Variants in CDK6 observed in about 807,000 individuals in gnomAD.
The protein encoded by CDK6 is cyclin-dependent kinase 6.
A neutral mutation model predicts 37.1 loss-of-function variants in CDK6; 6 were observed. The observed-to-expected ratio is 0.16, with a 90% CI of 0.09 to 0.32. The LOEUF (loss-of-function observed/expected upper bound fraction) is 0.32, where lower values mean the gene tolerates loss of function less well. CDK6 is among the 10% of genes least tolerant of loss of function. The pLI, the probability that CDK6 is intolerant of heterozygous loss-of-function variation, is 1.00. For missense variants in CDK6, 224 were observed against 418.9 expected, an observed-to-expected ratio of 0.53 and a Z score of 4.06; for synonymous variants, 160 against 161.3, an observed-to-expected ratio of 0.99 and a Z score of 0.06.
intron 4 of CDK6, among the ~76,000 whole-genome samples, chr7:92,723,669 T>A (rs1030106710): frequency 4.6e-5 from 7 of 152,160 alleles, no homozygotes; most frequent in African/African-American, 1.7e-4. Context: ...CGTCACTCTT[T>A]CCAATAAAGT....
At chr7:92,804,212 A>G (rs1478797608) in intron 2 of CDK6, among the ~76,000 whole-genome samples, 1 of 152,180 alleles carries the variant, frequency 6.6e-6, no homozygotes, top group African/African-American at 2.4e-5. Flanking sequence ...ACTTGAGGGT[A>G]TGCATCCCCT....
At chr7:92,813,401 A>G (rs1042706778) in intron 2 of CDK6, among the ~76,000 whole-genome samples, 2 of 152,200 alleles carry the variant, frequency 1.3e-5, no homozygotes, top group African/African-American at 4.8e-5. Context: ...CTGGTCCCCC[A>G]CATATCTAAG....
At chr7:92,706,185 C>A (rs1797961636) in intron 4 of CDK6, among the ~76,000 whole-genome samples, 1 of 152,192 alleles carries the variant, frequency 6.6e-6, no homozygotes, top group Non-Finnish European at 1.5e-5. Context: ...ACCACCTATT[C>A]CCAAGAGGAA....
At position 92,652,341 on chromosome 7, in the gene CDK6, G is replaced by A. The variant is rs545199676; in HGVS notation, c.647+19085C>T. ...CTGTAATTTAGCTACTCCATTTTAC[G>A]TCTTTATAATTCTTTCTTATCTCAT... is the stretch of plus-strand genomic sequence containing the variant. On this transcript the variant is annotated intron_variant, in intron 5 of 7. Transcript: ENST00000424848. Among the ~76,000 whole-genome samples the A allele has an allele frequency of 1.4e-4, 22 of 152,192 alleles. No individual in the cohort carries two copies. The South Asian group carries it at 3.3e-3, about 23-fold the overall frequency.
chr7:92,611,093 T>G lies in CDK6; in HGVS notation c.*4047A>C, dbSNP rs1795553106. 4.4e-6 allele frequency: 1 copy of G among 226,762 alleles called. No homozygotes were observed. The highest frequency in any genetic ancestry group is 1.8e-4 in the South Asian group (1 of 5,482). The allele number at this position is 226,762 out of a possible 1,614,324, so 14.0% of individuals were successfully genotyped here. On this transcript the variant is annotated 3_prime_UTR_variant, in exon 8 of 8. Transcript: ENST00000424848. ...TAAAGAATATATCCTTCAAAATATA[T>G]ATAGCTTTGAAACTACCCTTTAAAT...
intron 2 of CDK6, among the ~76,000 whole-genome samples, chr7:92,804,209 G>T (rs1424862192): frequency 1.2e-4 from 18 of 152,050 alleles, no homozygotes; most frequent in Admixed American, 1.2e-3. Flanking sequence ...TTCACTTGAG[G>T]GTATGCATCC....
intron 4 of CDK6, among the ~76,000 whole-genome samples, chr7:92,681,311 C>G (rs1360543216): frequency 6.6e-6 from 1 of 152,068 alleles, no homozygotes; most frequent in Non-Finnish European, 1.5e-5. Context: ...GGGAAGAGAG[C>G]CACTCAGTAA....
At chr7:92,748,952 A>G (rs1799123816) in intron 3 of CDK6, among the ~76,000 whole-genome samples, 1 of 152,140 alleles carries the variant, frequency 6.6e-6, no homozygotes, top group Non-Finnish European at 1.5e-5. Context: ...CTGTAATCCC[A>G]GCATGTGGGA....
intron 4 of CDK6, among the ~76,000 whole-genome samples, chr7:92,698,296 GC>G (rs1797766125): frequency 6.6e-6 from 1 of 152,134 alleles, no homozygotes; most frequent in South Asian, 2.1e-4. Flanking sequence ...TACAAATGAA[GC>G]CAAAATATGC....
At chr7:92,830,500 C>A (rs1369581362) in intron 2 of CDK6, among the ~76,000 whole-genome samples, 2 of 152,192 alleles carry the variant, frequency 1.3e-5, no homozygotes, top group Non-Finnish European at 2.9e-5. Flanking sequence ...GACTGTAAAA[C>A]TAATCCCAGG....
In CDK6 at chr7:92,614,446, C is replaced by T; in HGVS notation, c.*694G>A. 8.6e-6 allele frequency: 2 copies of T among 233,120 alleles called. No homozygotes were observed. Among genetic ancestry groups the T allele is most frequent in the Non-Finnish European group, 1.7e-5 (2 of 117,996 alleles). The allele number at this position is 233,120 out of a possible 1,614,324, so 14.4% of individuals were successfully genotyped here. A position where few individuals can be genotyped will look rare whatever the true frequency, so the allele number is the denominator to read the frequency against. ...ATGCATGCACATCTCTTAAAATATACTAGAATTTTTTCTCCTTTTTGCTGT... is the reference window on the plus strand; with the variant it reads ...ATGCATGCACATCTCTTAAAATATATTAGAATTTTTTCTCCTTTTTGCTGT... On this transcript the variant is annotated 3_prime_UTR_variant, in exon 8 of 8. Coordinates refer to ENST00000424848, the MANE Select transcript of CDK6 (RefSeq NM_001145306.2).
intron 3 of CDK6, among the ~76,000 whole-genome samples, chr7:92,751,495 C>T (rs2115680226): frequency 6.6e-6 from 1 of 152,026 alleles, no homozygotes; most frequent in East Asian, 1.9e-4. Context: ...TCAATGATAA[C>T]AATACAGCAA....
intron 4 of CDK6, among the ~76,000 whole-genome samples, chr7:92,714,506 T>A (rs1478524969): frequency 6.6e-6 from 1 of 152,062 alleles, no homozygotes; most frequent in African/African-American, 2.4e-5. Flanking sequence ...CACTGGGAAT[T>A]TTTACTCCTT....
chr7:92,726,539 T>C (rs1004967997), intron 3 of CDK6, among the ~76,000 whole-genome samples: 1 of 151,912 alleles, frequency 6.6e-6, no homozygotes, highest in Non-Finnish European at 1.5e-5. Flanking sequence ...GCCTCCCAAG[T>C]AGCTGGGACC....
intron 5 of CDK6, among the ~76,000 whole-genome samples, chr7:92,642,541 T>C (rs1297724983): frequency 6.6e-6 from 1 of 152,200 alleles, no homozygotes; most frequent in East Asian, 1.9e-4. Flanking sequence ...AGCCATCCTT[T>C]ATCCTGTTCT....
chr7:92,607,483 A>C lies in CDK6; in HGVS notation c.*7657T>G. 4.3e-6 allele frequency: 1 copy of C among 233,020 alleles called. No individual in the cohort carries two copies. Among genetic ancestry groups the C allele is most frequent in the Non-Finnish European group, 8.5e-6 (1 of 117,936 alleles). 14.4% of individuals were successfully genotyped at this position (233,020 alleles called of 1,614,324 possible). On this transcript the variant is annotated 3_prime_UTR_variant, in exon 8 of 8. Coordinates refer to ENST00000424848, the MANE Select transcript of CDK6 (RefSeq NM_001145306.2). ...ATGATAAAACACCTAGATACCCAAA[A>C]TACTACATCTATATATTCAAATCTA...
chr7:92,835,622 GCT>G lies in CDK6; in HGVS notation c.-368+854_-368+855del, dbSNP rs995907719. On this transcript the variant is annotated intron_variant, in intron 1 of 7. Transcript: ENST00000424848. The surrounding 1 kb of genome is among the most constrained non-coding windows in gnomAD (Gnocchi z 4.2). ...CCGCCTCCTTCTGCTTTCTGTCTCT[GCT>G]CTCTGTCTTCACACTCAATGAAATC... is the stretch of plus-strand genomic sequence containing the variant. Among the ~76,000 whole-genome samples, 3 of 152,154 alleles carry G rather than the reference GCT, an allele frequency of 2.0e-5. No individual in the cohort carries two copies. The highest frequency in any genetic ancestry group is 6.5e-5 in the Admixed American group (1 of 15,284).
chr7:92,629,138 G>C (rs970349884), intron 5 of CDK6, among the ~76,000 whole-genome samples: 4 of 152,010 alleles, frequency 2.6e-5, no homozygotes, highest in Admixed American at 1.3e-4. Context: ...AGAAGAATCT[G>C]AGACGAAGTT....
intron 3 of CDK6, among the ~76,000 whole-genome samples, chr7:92,731,769 A>AT (rs1798656697): frequency 6.6e-6 from 1 of 152,176 alleles, no homozygotes; most frequent in Non-Finnish European, 1.5e-5. Context: ...AAAAAAGATA[A>AT]TAAGTCATTT....
Sources: allele counts gnomAD v4.1 joint callset (sites outside exome capture counted in the v4.1 genomes callset), GRCh38; gene constraint gnomAD v4.1.1; non-coding constraint Gnocchi (gnomAD v3.1); transcripts MANE v1.5; gene names NCBI Gene and HGNC (gene_info 2026-07-23, HGNC 2026-07-21).